Variants in PTCHD4 observed in about 807,000 individuals in gnomAD.
The protein encoded by PTCHD4 is patched domain containing 4, also known as patched domain-containing protein 4.
A neutral mutation model predicts 58.1 loss-of-function variants in PTCHD4; 33 were observed. The observed-to-expected ratio is 0.57, with a 90% CI of 0.43 to 0.76. The LOEUF (loss-of-function observed/expected upper bound fraction) is 0.76, where lower values mean the gene tolerates loss of function less well. Ranked by LOEUF, PTCHD4 falls within the 30% of genes least tolerant of loss-of-function variation. The pLI is 0.00. For synonymous variants in PTCHD4, 478 were observed against 409.6 expected (o/e 1.17, Z -2.02); for missense variants, 1,058 against 1,027.1 (o/e 1.03, Z -0.41).
intron 1 of PTCHD4, among the ~76,000 whole-genome samples, chr6:48,071,717 T>C (rs911319351): frequency 2.0e-5 from 3 of 152,228 alleles, no homozygotes; most frequent in Non-Finnish European, 4.4e-5. Context: ...ACTTTTTACC[T>C]CATGTTATTT....
At chr6:47,955,893 G>A (rs1766839777) in intron 4 of PTCHD4, among the ~76,000 whole-genome samples, 1 of 152,048 alleles carries the variant, frequency 6.6e-6, no homozygotes, top group African/African-American at 2.4e-5. Flanking sequence ...AAGTCCCATG[G>A]TATAGAGCCA....
chr6:47,913,488 A>C (rs1765132366), intron 4 of PTCHD4, among the ~76,000 whole-genome samples: 1 of 152,258 alleles, frequency 6.6e-6, no homozygotes, highest in African/African-American at 2.4e-5. Flanking sequence ...AAAATCAGAG[A>C]AAGAAAATGA....
chr6:47,878,440 TAAC>T lies in PTCHD4; in HGVS notation c.2392_2394del (p.Val798del). ...AAAAACGTTAGGAACACAGGTAAAATAACAAAACAGTGCAGAAGTGTGCAACCC... is the reference window on the plus strand; with the variant it reads ...AAAAACGTTAGGAACACAGGTAAAATAAAACAGTGCAGAAGTGTGCAACCC... On this transcript the variant is annotated inframe_deletion, in exon 5 of 5. Transcript: ENST00000339488. 6.2e-7 allele frequency: 1 copy of T among 1,613,362 alleles called. No homozygotes were observed. Among genetic ancestry groups the T allele is most frequent in the Non-Finnish European group, 8.5e-7 (1 of 1,179,644 alleles).
At chr6:48,044,559 G>C (rs907961976) in intron 3 of PTCHD4, among the ~76,000 whole-genome samples, 2 of 151,760 alleles carry the variant, frequency 1.3e-5, no homozygotes, top group African/African-American at 4.8e-5. Flanking sequence ...TAAAGTGGGG[G>C]TTGGCAATGT....
intron 4 of PTCHD4, among the ~76,000 whole-genome samples, chr6:47,916,691 G>A (rs1765269103): frequency 6.7e-6 from 1 of 150,240 alleles, no homozygotes; most frequent in African/African-American, 2.5e-5. Context: ...ACTCTAAGGT[G>A]TTAGAACCGG....
chr6:48,097,962 G>C (rs958329686), intron 1 of PTCHD4, among the ~76,000 whole-genome samples: 1 of 152,144 alleles, frequency 6.6e-6, no homozygotes, highest in Non-Finnish European at 1.5e-5. Flanking sequence ...AGAAAGCAGA[G>C]ACTAGGTCGC....
At chr6:48,019,174 T>C (rs1279683753) in intron 3 of PTCHD4, among the ~76,000 whole-genome samples, 1 of 152,170 alleles carries the variant, frequency 6.6e-6, no homozygotes, top group Non-Finnish European at 1.5e-5. Flanking sequence ...GGTGAATATG[T>C]GGGGGTACCC....
At chr6:47,995,191 TAGTC>T (rs1768439621) in intron 4 of PTCHD4, among the ~76,000 whole-genome samples, 1 of 152,158 alleles carries the variant, frequency 6.6e-6, no homozygotes, top group Admixed American at 6.5e-5. Context: ...TTTACTTACA[TAGTC>T]AGTGATATTG....
chr6:47,945,151 T>C (rs1234897820), intron 4 of PTCHD4, among the ~76,000 whole-genome samples: 2 of 152,078 alleles, frequency 1.3e-5, no homozygotes, highest in Non-Finnish European at 2.9e-5. Flanking sequence ...TTTACTATAA[T>C]CATTAGGTAC....
chr6:48,086,707 T>C (rs1482918108), intron 1 of PTCHD4, among the ~76,000 whole-genome samples: 1 of 152,198 alleles, frequency 6.6e-6, no homozygotes, highest in African/African-American at 2.4e-5. Context: ...CCTTAGCTTT[T>C]CTTATTTTCA....
At chr6:47,899,848 G>C (rs572509043) in intron 4 of PTCHD4, 2 of 152,138 alleles carry the variant, frequency 1.3e-5, no homozygotes, top group Middle Eastern at 3.4e-3. Context: ...CTACATATTT[G>C]CCTACTCTGA....
Position 47,920,450 on chromosome 6 carries a change from T to C in PTCHD4, c.899-40514A>G, listed in dbSNP as rs144457802. On this transcript the variant is annotated intron_variant, in intron 4 of 4. Transcript: ENST00000339488. Reference sequence around the variant, plus strand: ...GGAATTAAGCATTGTATTCTGAATTTGATACATTTTGAGATACTTAATTTC... The same window carrying C: ...GGAATTAAGCATTGTATTCTGAATTCGATACATTTTGAGATACTTAATTTC... Among the ~76,000 whole-genome samples, 5 of 152,298 alleles carry C rather than the reference T, an allele frequency of 3.3e-5. No individual in the cohort carries two copies. In the South Asian group the frequency reaches 6.2e-4, roughly 19 times the overall value.
At chr6:47,940,237 G>T (rs1766160757) in intron 4 of PTCHD4, among the ~76,000 whole-genome samples, 1 of 151,834 alleles carries the variant, frequency 6.6e-6, no homozygotes, top group South Asian at 2.1e-4. Flanking sequence ...TAATTTCACT[G>T]GGTAATGTAA....
chr6:47,905,765 T>C (rs557826001), intron 4 of PTCHD4, among the ~76,000 whole-genome samples: 3 of 152,322 alleles, frequency 2.0e-5, no homozygotes, highest in Admixed American at 2.0e-4. Flanking sequence ...CACTGAACTC[T>C]TGTCTAATTA....
intron 3 of PTCHD4, among the ~76,000 whole-genome samples, chr6:48,065,608 C>A (rs1764767386): frequency 6.6e-6 from 1 of 152,090 alleles, no homozygotes; most frequent in African/African-American, 2.4e-5. Flanking sequence ...ATCCTGGGAG[C>A]CCCTGGAGAG....
chr6:48,009,916 G>A (rs893452848), intron 3 of PTCHD4, among the ~76,000 whole-genome samples: 3 of 152,144 alleles, frequency 2.0e-5, no homozygotes, highest in Non-Finnish European at 4.4e-5. Context: ...GATCATGAGA[G>A]TAGGAAATTG....
At chr6:48,095,613 C>A (rs935771041) in intron 1 of PTCHD4, among the ~76,000 whole-genome samples, 1 of 151,906 alleles carries the variant, frequency 6.6e-6, no homozygotes, top group East Asian at 1.9e-4. Context: ...TGGCTGAACC[C>A]GGGAGGCAGA....
In PTCHD4 at chr6:47,897,368, C is replaced by T. The variant is rs573402066; in HGVS notation, c.899-17432G>A. On this transcript the variant is annotated intron_variant, in intron 4 of 4. Transcript: ENST00000339488. ...TTGTATAACAGACAAGTAAGAAGCG[C>T]CAAGGCTTGCTCTCAGCTTTCTCAT... 2.6e-5 allele frequency among the ~76,000 whole-genome samples: 4 copies of T among 152,298 alleles called. No homozygotes were observed. The South Asian group carries it at 8.3e-4, about 32-fold the overall frequency.
chr6:47,991,317 A>G (rs986518111), intron 4 of PTCHD4, among the ~76,000 whole-genome samples: 2 of 152,174 alleles, frequency 1.3e-5, no homozygotes, highest in African/African-American at 4.8e-5. Context: ...TGCGATAAAG[A>G]TGATAGAGAA....
Sources: allele counts gnomAD v4.1 joint callset (sites outside exome capture counted in the v4.1 genomes callset), GRCh38; gene constraint gnomAD v4.1.1; transcripts MANE v1.5; gene names NCBI Gene and HGNC (gene_info 2026-07-23, HGNC 2026-07-21).